The following GLIS3 variants were observed in gnomAD, a reference collection of about 807,000 sequenced individuals.
The protein encoded by GLIS3 is zinc finger protein GLIS3.
Under a neutral mutation model 78.6 loss-of-function variants are expected in GLIS3, and 53 were observed. The ratio of observed to expected loss-of-function variants is 0.67; its 90% CI spans 0.54 to 0.85. GLIS3 has a LOEUF of 0.85. Ranked by LOEUF, GLIS3 falls within the 40% of genes least tolerant of loss-of-function variation. GLIS3 has a pLI of 0.00. For synonymous variants in GLIS3, 684 were observed against 509.9 expected, an observed-to-expected ratio of 1.34 and a Z score of -4.60; for missense variants, 1,703 against 1,231.1, an observed-to-expected ratio of 1.38 and a Z score of -5.74.
At chr9:4,070,212 C>T (rs2130627911) in intron 4 of GLIS3, among the ~76,000 whole-genome samples, 1 of 152,208 alleles carries the variant, frequency 6.6e-6, no homozygotes, top group East Asian at 1.9e-4. Context: ...TCAATTAGTT[C>T]ACCCCCTCCT....
intron 7 of GLIS3, among the ~76,000 whole-genome samples, chr9:3,886,270 T>C (rs1429719296): frequency 2.0e-5 from 3 of 152,212 alleles, no homozygotes; most frequent in African/African-American, 7.2e-5. Context: ...ATAAGCTTTT[T>C]GTTGTTCTAT....
At chr9:3,872,641 C>T (rs183609557) in intron 8 of GLIS3, among the ~76,000 whole-genome samples, 2 of 152,098 alleles carry the variant, frequency 1.3e-5, no homozygotes, top group African/African-American at 2.4e-5. Flanking sequence ...GGAAACCATC[C>T]CGATGATTCA....
At chr9:4,305,845 G>C (rs1563926610) in intron 4 of GLIS3, 1 of 152,164 alleles carries the variant, frequency 6.6e-6, no homozygotes, top group Admixed American at 6.5e-5. Context: ...AGATTACAGA[G>C]AATAGCCCTG....
chr9:3,908,357 C>G (rs940343368), intron 6 of GLIS3, among the ~76,000 whole-genome samples: 2 of 152,198 alleles, frequency 1.3e-5, no homozygotes, highest in Non-Finnish European at 1.5e-5. Context: ...TCCTTTTATT[C>G]TTACACCTGC....
chr9:4,306,875 A>T (rs1817239337), intron 4 of GLIS3, among the ~76,000 whole-genome samples: 1 of 152,206 alleles, frequency 6.6e-6, no homozygotes, highest in South Asian at 2.1e-4. Context: ...GAGTCCTTAG[A>T]TTCTAGACTG....
chr9:4,015,966 T>A (rs1312690108), intron 4 of GLIS3, among the ~76,000 whole-genome samples: 1 of 151,998 alleles, frequency 6.6e-6, no homozygotes, highest in Non-Finnish European at 1.5e-5. Flanking sequence ...AAATAGGAAT[T>A]TGGTAAATAC....
rs1192394069 is a variant in GLIS3, at chr9:4,118,200, G to A, written c.1278C>T (p.Gly426=). 1 of 1,585,414 alleles carries A rather than the reference G, an allele frequency of 6.3e-7. No homozygotes were observed. The highest frequency in any genetic ancestry group is 1.3e-5 in the African/African-American group (1 of 74,592). ...GLPGPDSQSA[G]LFKTERLEEF... ...CCTCCAGGCGTTCGGTCTTGAACAG[G>A]CCGGCCGACTGGCTGTCGGGGCCCG... Residue 426 remains glycine, a synonymous_variant, in exon 4 of 11, where the codon GGC becomes GGT. Coordinates refer to ENST00000381971, the MANE Select transcript of GLIS3 (RefSeq NM_001042413.2). The surrounding 1 kb of genome is among the most constrained non-coding windows in gnomAD (Gnocchi z 4.7).
chr9:4,010,159 T>C (rs922128740), intron 4 of GLIS3, among the ~76,000 whole-genome samples: 1 of 151,962 alleles, frequency 6.6e-6, no homozygotes, highest in Non-Finnish European at 1.5e-5. Context: ...ACAAGATAGA[T>C]AGAATAGCTG....
At chr9:4,214,075 CAT>C (rs1820609105) in intron 2 of GLIS3, among the ~76,000 whole-genome samples, 1 of 152,172 alleles carries the variant, frequency 6.6e-6, no homozygotes, top group Admixed American at 6.5e-5. Context: ...TCATCTCACT[CAT>C]AGCCTTTGCC....
intron 4 of GLIS3, among the ~76,000 whole-genome samples, chr9:3,970,922 G>A (rs1818329002): frequency 1.3e-5 from 2 of 151,814 alleles, no homozygotes; most frequent in South Asian, 4.2e-4. Flanking sequence ...ATTCTGAGGG[G>A]AAATAAAAAA....
rs72691807 is a variant in GLIS3 at position 4,172,875 on chromosome 9, G to A, written c.389-46934C>T. ...CCAAGGCCAGGCAGATGGAAATACT[G>A]CAGGCTCCATTTAAAGATCAGGCTA... On this transcript the variant is annotated intron_variant, in intron 2 of 10. Coordinates refer to ENST00000381971, the MANE Select transcript of GLIS3 (RefSeq NM_001042413.2). Among the ~76,000 whole-genome samples, 1,366 of 152,306 alleles carry A rather than the reference G, an allele frequency of 9.0e-3. 5 individuals are homozygous for A. The highest frequency in any genetic ancestry group is 0.013 in the Non-Finnish European group (903 of 68,026).
chr9:4,402,580 A>G, the GLIS3 span, among the ~76,000 whole-genome samples: 1 of 152,210 alleles, frequency 6.6e-6, no homozygotes, highest in Non-Finnish European at 1.5e-5. Flanking sequence ...AACATAACAC[A>G]GAGAAGGAAT....
chr9:4,229,189 T>C (rs1822041179), intron 2 of GLIS3, among the ~76,000 whole-genome samples: 1 of 152,208 alleles, frequency 6.6e-6, no homozygotes, highest in South Asian at 2.1e-4. Flanking sequence ...ACATTGGCCA[T>C]CTCTGAGGAG....
chr9:4,434,965 A>C, the GLIS3 span, among the ~76,000 whole-genome samples: 1 of 152,338 alleles, frequency 6.6e-6, no homozygotes. Flanking sequence ...ATACTCAAGA[A>C]ATAAAACAAA....
At chr9:4,366,144 A>T in the GLIS3 span, among the ~76,000 whole-genome samples, 1 of 152,140 alleles carries the variant, frequency 6.6e-6, no homozygotes, top group Non-Finnish European at 1.5e-5. Flanking sequence ...ATATAAAGGG[A>T]AATGTGGAAT....
At chr9:4,291,279 T>G (rs1417582596) in intron 1 of GLIS3, among the ~76,000 whole-genome samples, 1 of 152,048 alleles carries the variant, frequency 6.6e-6, no homozygotes, top group Non-Finnish European at 1.5e-5. Context: ...TGAAGACAAA[T>G]TAGTGTCCTC....
At chr9:4,235,068 G>T (rs1373652012) in intron 2 of GLIS3, among the ~76,000 whole-genome samples, 1 of 152,118 alleles carries the variant, frequency 6.6e-6, no homozygotes, top group Non-Finnish European at 1.5e-5. Flanking sequence ...GGAGGCCGAG[G>T]TGGGTGGATC....
At chr9:4,167,445 T>C (rs180741810) in intron 2 of GLIS3, among the ~76,000 whole-genome samples, 152 of 152,304 alleles carry the variant, frequency 1.0e-3, no homozygotes, top group African/African-American at 3.6e-3. Context: ...ATTTCACATA[T>C]ATCCTCACAT....
At chr9:4,126,718 A>T (rs774757695) in intron 2 of GLIS3, among the ~76,000 whole-genome samples, 39 of 152,216 alleles carry the variant, frequency 2.6e-4, no homozygotes, top group Non-Finnish European at 5.0e-4. Flanking sequence ...ACTCATTTAT[A>T]AAAAAATCAT....
Sources: gnomAD v4.1 joint callset for allele counts (sites outside exome capture counted in the v4.1 genomes callset) on GRCh38, gnomAD v4.1.1 for gene constraint, Gnocchi (gnomAD v3.1) non-coding constraint, MANE v1.5 for transcripts, NCBI Gene and HGNC (gene_info 2026-07-23, HGNC 2026-07-21) for gene names.